The following GARS1 variants were observed in gnomAD, a reference collection of about 807,000 sequenced individuals.
GARS1 encodes the protein glycyl-tRNA synthetase 1.
A neutral mutation model predicts 86.4 loss-of-function variants in GARS1; 46 were observed. The observed-to-expected ratio is 0.53, with a 90% CI of 0.42 to 0.68. GARS1 has a LOEUF of 0.68. Ranked by LOEUF, GARS1 falls within the 30% of genes least tolerant of loss-of-function variation. GARS1 has a pLI of 0.00. For synonymous variants in GARS1, 342 were observed against 329.8 expected (o/e 1.04, Z -0.40); for missense variants, 797 against 915.6 (o/e 0.87, Z 1.67).
chr7:30,618,599 A>T (rs1012214975), intron 10 of GARS1, among the ~76,000 whole-genome samples: 1 of 152,098 alleles, frequency 6.6e-6, no homozygotes, highest in Non-Finnish European at 1.5e-5. Flanking sequence ...GCACCACTGA[A>T]CTCAAGCCTG....
chr7:30,608,039 A>G (rs1010509218), intron 6 of GARS1, among the ~76,000 whole-genome samples: 1 of 152,176 alleles, frequency 6.6e-6, no homozygotes, highest in Non-Finnish European at 1.5e-5. Flanking sequence ...TTTTATAGCT[A>G]CATAATTGGG....
chr7:30,622,213 T>C (rs1783026632), intron 11 of GARS1, 104 bp from the exon 12 acceptor site: 1 of 1,366,804 alleles, frequency 7.3e-7, no homozygotes, highest in Admixed American at 1.7e-5. Context: ...GGAGTACTGA[T>C]AGAGAGCTGG....
chr7:30,616,145 ATATTT>A lies in GARS1; in HGVS notation c.1194+94_1194+98del, dbSNP rs1226912540. 229 of 1,447,836 alleles carry A rather than the reference ATATTT, an allele frequency of 1.6e-4. 2 individuals are homozygous for A. The African/African-American group carries it at 2.8e-3, about 18-fold the overall frequency. The allele number at this position is 1,447,836 out of a possible 1,614,324, so 89.7% of individuals were successfully genotyped here. ...AATTCTATGTGTTCTGGGTGACAAG[ATATTT>A]TATTTTGGCAGTCATTTGCTTTTTT... On this transcript the variant is annotated intron_variant, in intron 9 of 16. Coordinates refer to ENST00000389266, the MANE Select transcript of GARS1 (RefSeq NM_002047.4).
At chr7:30,621,588 G>A (rs966443899) in intron 11 of GARS1, 88 bp downstream of exon 11, 1 of 932,458 alleles carries the variant, frequency 1.1e-6, no homozygotes, top group African/African-American at 1.6e-5. Flanking sequence ...TTGTTCTATG[G>A]ATAAATGGAG....
intron 12 of GARS1, among the ~76,000 whole-genome samples, chr7:30,625,674 G>A (rs1354100205): frequency 2.0e-5 from 3 of 152,208 alleles, no homozygotes; most frequent in Non-Finnish European, 2.9e-5. Context: ...GGCAGCCAGT[G>A]ATTTTGAGGG....
chr7:30,617,083 T>G, intron 9 of GARS1, 31 bp from the exon 10 acceptor site: 2 of 1,612,172 alleles, frequency 1.2e-6, no homozygotes, highest in Non-Finnish European at 1.7e-6. Flanking sequence ...TTTTCTTTTC[T>G]TCCTCCATGC....
chr7:30,625,551 A>G (rs948872180), intron 12 of GARS1, among the ~76,000 whole-genome samples: 1 of 152,220 alleles, frequency 6.6e-6, no homozygotes, highest in African/African-American at 2.4e-5. Flanking sequence ...TGGATATTCA[A>G]AATGTGAGGA....
At chr7:30,623,019 T>C (rs1341908912) in intron 12 of GARS1, among the ~76,000 whole-genome samples, 1 of 148,592 alleles carries the variant, frequency 6.7e-6, no homozygotes, top group East Asian at 2.0e-4. Flanking sequence ...GAGAATGGCG[T>C]GAACCTGGGA....
chr7:30,611,520 T>C (rs1420719946), intron 7 of GARS1, among the ~76,000 whole-genome samples: 3 of 152,166 alleles, frequency 2.0e-5, no homozygotes, highest in Admixed American at 6.5e-5. Flanking sequence ...GTTTCGCTCT[T>C]GTTGCCCAGG....
At position 30,632,108 on chromosome 7, in the gene GARS1, C is replaced by A; in HGVS notation, c.1904-139C>A. 2.5e-6 allele frequency: 2 copies of A among 798,218 alleles called. No individual in the cohort carries two copies. The highest frequency in any genetic ancestry group is 2.1e-6 in the Non-Finnish European group (1 of 477,124). The allele number at this position is 798,218 out of a possible 1,614,324, so 49.4% of individuals were successfully genotyped here. ...GATTTATTAAACTTTAGGGATATTTCTTTCTCTTGCAACTCAACTTGTTGC... is the reference window on the plus strand; with the variant it reads ...GATTTATTAAACTTTAGGGATATTTATTTCTCTTGCAACTCAACTTGTTGC... On this transcript the variant is annotated intron_variant, in intron 15 of 16. Coordinates refer to ENST00000389266, the MANE Select transcript of GARS1 (RefSeq NM_002047.4). The surrounding 1 kb of genome is among the most constrained non-coding windows in gnomAD (Gnocchi z 4.1).
rs1049156907 is a variant in GARS1, at chr7:30,601,945, A to AT, written c.569+755dup. The stretch of plus-strand genomic sequence containing the variant: ...AGGCACCCACCACCACGTCTGGCTA[A>AT]TTTTTTTTTTGTATTTTTAGTACAG... On this transcript the variant is annotated intron_variant, in intron 4 of 16. Coordinates refer to ENST00000389266, the MANE Select transcript of GARS1 (RefSeq NM_002047.4). Among the ~76,000 whole-genome samples the AT allele has an allele frequency of 5.8e-4, 84 of 144,464 alleles. 1 individual carries two copies. Among genetic ancestry groups the AT allele is most frequent in the African/African-American group, 1.7e-3 (68 of 39,080 alleles). 94.8% of individuals were successfully genotyped at this position (144,464 alleles called of 152,430 possible). A position where few individuals can be genotyped will look rare whatever the true frequency, so the allele number is the denominator to read the frequency against.
chr7:30,599,879 T>G, intron 2 of GARS1, 68 bp from the exon 3 acceptor site: 1 of 999,840 alleles, frequency 1.0e-6, no homozygotes. Context: ...ATAAACTAAA[T>G]TCAGATATAT....
rs762022967 is a variant in GARS1, at chr7:30,628,552, T to G, written c.1700-8T>G. The G allele has an allele frequency of 1.3e-6, 2 of 1,581,516 alleles. No homozygotes were observed. The highest frequency in any genetic ancestry group is 1.1e-5 in the South Asian group (1 of 90,434). ...GAGAATGTTATTGAATTTCTATCTC[T>G]TTTTCAGTGGAAGAAGTTGTTCCGA... On this transcript the variant is annotated splice_region_variant and splice_polypyrimidine_tract_variant and intron_variant, in intron 13 of 16. Coordinates refer to ENST00000389266, the MANE Select transcript of GARS1 (RefSeq NM_002047.4).
rs183744063 is a variant in GARS1 at position 30,623,894 on chromosome 7, C to T, written c.1613+1432C>T. On this transcript the variant is annotated intron_variant, in intron 12 of 16. Transcript: ENST00000389266. ...TGATTAGAATTCATATCAAAAACTG[C>T]GCGGATCACAATATAATGGAATGAA... Among the ~76,000 whole-genome samples, 697 of 152,232 alleles carry T rather than the reference C, an allele frequency of 4.6e-3. 4 individuals carry two copies. Among genetic ancestry groups the T allele is most frequent in the Non-Finnish European group, 8.0e-3 (541 of 68,018 alleles).
At chr7:30,597,030 G>T (rs1387381429) in intron 1 of GARS1, among the ~76,000 whole-genome samples, 1 of 152,170 alleles carries the variant, frequency 6.6e-6, no homozygotes, top group Non-Finnish European at 1.5e-5. Flanking sequence ...GAAAACAACG[G>T]TTAGTATTTG....
At chr7:30,609,353 A>T (rs1791547726) in intron 6 of GARS1, among the ~76,000 whole-genome samples, 1 of 152,198 alleles carries the variant, frequency 6.6e-6, no homozygotes. Context: ...ACTTTGAAAC[A>T]GTGACTATAT....
chr7:30,612,022 G>A (rs890849986), intron 7 of GARS1, 74 bp from the exon 8 acceptor site: 1 of 1,347,412 alleles, frequency 7.4e-7, no homozygotes, highest in Middle Eastern at 1.8e-4. Flanking sequence ...TTTAGGATTT[G>A]TATCTAGAAT....
intron 1 of GARS1, chr7:30,595,766 A>ATCC: frequency 2.1e-6 from 1 of 471,138 alleles, no homozygotes; most frequent in Non-Finnish European, 4.4e-6. Context: ...GAACTTTTCT[A>ATCC]TTAATGCTGT....
chr7:30,614,456 A>G (rs1330566185), intron 8 of GARS1, among the ~76,000 whole-genome samples: 2 of 152,238 alleles, frequency 1.3e-5, no homozygotes, highest in African/African-American at 4.8e-5. Context: ...TGTGAGGACA[A>G]ACACCATGTT....
Sources: gnomAD v4.1 joint callset for allele counts (sites outside exome capture counted in the v4.1 genomes callset) on GRCh38, gnomAD v4.1.1 for gene constraint, Gnocchi (gnomAD v3.1) non-coding constraint, MANE v1.5 for transcripts, NCBI Gene and HGNC (gene_info 2026-07-23, HGNC 2026-07-21) for gene names.